Variants in PPFIA2 observed in about 807,000 individuals in gnomAD.
PPFIA2 encodes the protein PPFI scaffold protein A2.
In PPFIA2, 46 loss-of-function variants were observed where a neutral mutation model predicts 175.5. The observed-to-expected ratio is 0.26, with a 90% CI of 0.21 to 0.34. The LOEUF (loss-of-function observed/expected upper bound fraction) is 0.34. PPFIA2 is among the 10% of genes least tolerant of loss of function. PPFIA2 has a pLI of 1.00. For missense variants in PPFIA2, 1,179 were observed against 1,506.1 expected (o/e 0.78, Z 3.60); for synonymous variants, 568 against 511.4 (o/e 1.11, Z -1.49).
intron 29 of PPFIA2, chr12:81,267,223 T>C (rs915397280): frequency 1.7e-6 from 1 of 575,360 alleles, no homozygotes; most frequent in Non-Finnish European, 3.2e-6. Context: ...CTGTGAACAG[T>C]AGAGAGACAG....
intron 3 of PPFIA2, among the ~76,000 whole-genome samples, chr12:81,725,935 C>A (rs1258976591): frequency 6.6e-6 from 1 of 150,950 alleles, no homozygotes; most frequent in African/African-American, 2.4e-5. Flanking sequence ...ATACTCTATA[C>A]CCTAATCATA....
intron 10 of PPFIA2, 186 bp downstream of exon 10, chr12:81,375,609 TA>T: frequency 4.7e-6 from 3 of 637,324 alleles, no homozygotes; most frequent in Non-Finnish European, 8.0e-6. Flanking sequence ...ACTATTAAGA[TA>T]AATAATTTAT....
At chr12:81,550,041 CA>C (rs1386514627) in intron 4 of PPFIA2, among the ~76,000 whole-genome samples, 1 of 152,020 alleles carries the variant, frequency 6.6e-6, no homozygotes, top group East Asian at 1.9e-4. Flanking sequence ...TATCCTATTA[CA>C]AAAACAGTTT....
At chr12:81,379,417 A>T (rs1294596633) in intron 9 of PPFIA2, among the ~76,000 whole-genome samples, 4 of 152,180 alleles carry the variant, frequency 2.6e-5, no homozygotes, top group Admixed American at 6.6e-5. Context: ...GGCAACACTG[A>T]GATGTATTTA....
In PPFIA2 at chr12:81,666,667, C is replaced by T. The variant is rs185937448; in HGVS notation, c.303+10124G>A. ...TGGAGATATACCTAATGTTAATTGACGAGTTACTGGGTGCAGCACACCAGC... is the reference window on the plus strand; with the variant it reads ...TGGAGATATACCTAATGTTAATTGATGAGTTACTGGGTGCAGCACACCAGC... On this transcript the variant is annotated intron_variant, in intron 4 of 32. Coordinates refer to ENST00000549396, the MANE Select transcript of PPFIA2 (RefSeq NM_003625.5). 7.7e-4 allele frequency among the ~76,000 whole-genome samples: 117 copies of T among 152,000 alleles called. 1 individual carries two copies. Among genetic ancestry groups the T allele is most frequent in the African/African-American group, 2.8e-3 (115 of 41,460 alleles).
chr12:81,384,074 A>C lies in PPFIA2; in HGVS notation c.933T>G (p.Asp311Glu), dbSNP rs181619998. ...VEQEAETARK[D>E]LIKTEEMNTK... ...TGTTCATTTCTTCTGTTTTAATGAGATCCTTTCTTGCTGTCTCTGCTTCCT... is the reference window on the plus strand; with the variant it reads ...TGTTCATTTCTTCTGTTTTAATGAGCTCCTTTCTTGCTGTCTCTGCTTCCT... Residue 311 changes from aspartate (D) to glutamate (E), a missense_variant, in exon 9 of 33, where the codon GAT becomes GAG. By Grantham distance (45) the Asp-to-Glu change is conservative (BLOSUM62 2). Transcript: ENST00000549396. 5.0e-6 allele frequency: 8 copies of C among 1,613,142 alleles called. No individual in the cohort carries two copies. The highest frequency in any genetic ancestry group is 5.1e-6 in the Non-Finnish European group (6 of 1,179,494).
At chr12:81,712,023 T>G (rs1567965324) in intron 3 of PPFIA2, among the ~76,000 whole-genome samples, 3 of 151,308 alleles carry the variant, frequency 2.0e-5, no homozygotes, top group Admixed American at 6.8e-5. Context: ...TAGAATATTT[T>G]ACAAAAGTCA....
chr12:81,713,284 T>C (rs1264326745), intron 3 of PPFIA2, among the ~76,000 whole-genome samples: 5 of 150,862 alleles, frequency 3.3e-5, no homozygotes, highest in African/African-American at 9.7e-5. Context: ...TATGAGAAAA[T>C]TGACACACCA....
intron 4 of PPFIA2, among the ~76,000 whole-genome samples, chr12:81,665,542 T>C (rs180813237): frequency 1.0e-3 from 152 of 152,170 alleles, no homozygotes; most frequent in Non-Finnish European, 1.8e-3. Context: ...AGTAGTTTGA[T>C]TGTGTTGAAA....
At chr12:81,677,871 C>G (rs2072858774) in intron 3 of PPFIA2, among the ~76,000 whole-genome samples, 1 of 151,780 alleles carries the variant, frequency 6.6e-6, no homozygotes, top group South Asian at 2.1e-4. Flanking sequence ...TACAACTCAG[C>G]CCTATCAGTT....
chr12:81,323,481 A>G lies in PPFIA2; in HGVS notation c.2642+2296T>C, dbSNP rs1035319792. On this transcript the variant is annotated intron_variant, in intron 22 of 32. Coordinates refer to ENST00000549396, the MANE Select transcript of PPFIA2 (RefSeq NM_003625.5). ...TAAAATTTACTTAAAATTATTTTTC[A>G]TCCTGATAGAAGACTAGCAAACATG... 7.9e-5 allele frequency among the ~76,000 whole-genome samples: 12 copies of G among 152,146 alleles called. No individual in the cohort carries two copies. The East Asian group carries it at 2.3e-3, about 29-fold the overall frequency.
chr12:81,422,053 CAT>C (rs895055529), intron 7 of PPFIA2, among the ~76,000 whole-genome samples: 8 of 141,804 alleles, frequency 5.6e-5, no homozygotes, highest in African/African-American at 1.3e-4. Flanking sequence ...TATATATATA[CAT>C]ATATATATAC....
rs1467980315 is a variant in PPFIA2 at position 81,389,135 on chromosome 12, A to G, written c.763-4891T>C. Among the ~76,000 whole-genome samples, 4 of 148,254 alleles carry G rather than the reference A, an allele frequency of 2.7e-5. No homozygotes were observed. In the East Asian group the frequency reaches 5.9e-4, roughly 22 times the overall value. ...ATTTTATTCAATATTTTATATATAT[A>G]TATATATATACACACACACATATAT... On this transcript the variant is annotated intron_variant, in intron 8 of 32. Transcript: ENST00000549396.
chr12:81,372,326 A>C (rs2035335314), intron 11 of PPFIA2, among the ~76,000 whole-genome samples: 1 of 151,578 alleles, frequency 6.6e-6, no homozygotes, highest in Admixed American at 6.6e-5. Context: ...AGTAAAGTAG[A>C]AAAACGTATA....
intron 3 of PPFIA2, among the ~76,000 whole-genome samples, chr12:81,730,744 A>G (rs2080776800): frequency 6.6e-6 from 1 of 151,682 alleles, no homozygotes; most frequent in Non-Finnish European, 1.5e-5. Context: ...TAGATAACAA[A>G]TTAGGAAATT....
At chr12:81,552,349 A>G (rs1594846094) in intron 4 of PPFIA2, among the ~76,000 whole-genome samples, 1 of 151,208 alleles carries the variant, frequency 6.6e-6, no homozygotes, top group East Asian at 1.9e-4. Context: ...TGTAAACTGC[A>G]CTGTGTAATA....
chr12:81,616,468 A>T (rs1595653618), intron 4 of PPFIA2, among the ~76,000 whole-genome samples: 1 of 152,300 alleles, frequency 6.6e-6, no homozygotes, highest in Non-Finnish European at 1.5e-5. Flanking sequence ...TTAGAGAGAG[A>T]ATGATCCCAG....
chr12:81,627,269 C>G (rs1375003829), intron 4 of PPFIA2, among the ~76,000 whole-genome samples: 1 of 151,936 alleles, frequency 6.6e-6, no homozygotes, highest in Non-Finnish European at 1.5e-5. Context: ...AATATTTCAA[C>G]ATAACTAGAG....
intron 3 of PPFIA2, among the ~76,000 whole-genome samples, chr12:81,698,090 TAA>T (rs1362421413): frequency 6.6e-6 from 1 of 152,088 alleles, no homozygotes. Context: ...GTGACAAAAG[TAA>T]AGATTCCAAG....
Sources: allele counts gnomAD v4.1 joint callset (sites outside exome capture counted in the v4.1 genomes callset), GRCh38; gene constraint gnomAD v4.1.1; transcripts MANE v1.5; gene names NCBI Gene and HGNC (gene_info 2026-07-23, HGNC 2026-07-21).